The following TRPS1 variants were observed in gnomAD, a reference collection of about 807,000 sequenced individuals.
TRPS1 encodes transcriptional repressor GATA binding 1.
In TRPS1, 6 loss-of-function variants were observed where a neutral mutation model predicts 101.2. The observed-to-expected ratio is 0.06, with a 90% CI of 0.03 to 0.12. TRPS1 has a LOEUF of 0.12. Ranked by LOEUF, TRPS1 falls within the 10% of genes least tolerant of loss-of-function variation. The pLI, the probability that TRPS1 is intolerant of heterozygous loss-of-function variation, is 1.00. For missense variants in TRPS1, 1,363 were observed against 1,567.0 expected (o/e 0.87, Z 2.20); for synonymous variants, 578 against 589.8 (o/e 0.98, Z 0.29).
chr8:115,428,373 C>T (rs1359173049), intron 5 of TRPS1, among the ~76,000 whole-genome samples: 1 of 152,176 alleles, frequency 6.6e-6, no homozygotes, highest in African/African-American at 2.4e-5. Flanking sequence ...TATACTTTTG[C>T]ATTTCATCAC....
chr8:115,479,985 A>G (rs7007607), intron 5 of TRPS1, among the ~76,000 whole-genome samples: 2 of 152,248 alleles, frequency 1.3e-5, no homozygotes, highest in East Asian at 1.9e-4. Context: ...GGCGAGGCAC[A>G]TTAGAGGTGG....
At chr8:115,550,052 C>T (rs1816667697) in intron 5 of TRPS1, among the ~76,000 whole-genome samples, 1 of 152,076 alleles carries the variant, frequency 6.6e-6, no homozygotes, top group South Asian at 2.1e-4. Flanking sequence ...CCCATCTCTA[C>T]TAAAAATACA....
chr8:115,616,624 T>C (rs2223104), intron 3 of TRPS1, among the ~76,000 whole-genome samples: 13,164 of 152,102 alleles, frequency 0.087, 1,908 homozygotes, highest in African/African-American at 0.3. Flanking sequence ...AAAGGATTAA[T>C]GAATTCTTCA....
At chr8:115,651,463 T>C (rs1208417370) in intron 1 of TRPS1, among the ~76,000 whole-genome samples, 2 of 152,220 alleles carry the variant, frequency 1.3e-5, no homozygotes, top group Non-Finnish European at 2.9e-5. Flanking sequence ...CACAATTTTC[T>C]CAGTACCTGA....
chr8:115,528,328 T>C (rs1448433221), intron 5 of TRPS1, among the ~76,000 whole-genome samples: 1 of 152,054 alleles, frequency 6.6e-6, no homozygotes, highest in Non-Finnish European at 1.5e-5. Flanking sequence ...TACTGAGCAC[T>C]TAAGAGTCAC....
At chr8:115,496,505 G>T (rs1001230249) in intron 5 of TRPS1, among the ~76,000 whole-genome samples, 1 of 152,174 alleles carries the variant, frequency 6.6e-6, no homozygotes, top group Admixed American at 6.5e-5. Context: ...GAAGGCATAT[G>T]TGATGAATAT....
chr8:115,556,318 G>A (rs865811222), intron 5 of TRPS1, among the ~76,000 whole-genome samples: 7 of 152,072 alleles, frequency 4.6e-5, no homozygotes, highest in Non-Finnish European at 1.0e-4. Flanking sequence ...TTGAAATACT[G>A]TGATATTCTA....
At chr8:115,636,989 C>A (rs1162568704) in intron 1 of TRPS1, among the ~76,000 whole-genome samples, 1 of 151,804 alleles carries the variant, frequency 6.6e-6, no homozygotes, top group Non-Finnish European at 1.5e-5. Context: ...TGTTTGCTAT[C>A]TTTTATTAAT....
intron 1 of TRPS1, among the ~76,000 whole-genome samples, chr8:115,639,452 T>G (rs551069935): frequency 1.3e-5 from 2 of 152,310 alleles, no homozygotes; most frequent in Non-Finnish European, 2.9e-5. Context: ...AGATTTCCCT[T>G]GTTTTCATTT....
chr8:115,663,087 T>G (rs558868648), intron 1 of TRPS1, among the ~76,000 whole-genome samples: 1 of 152,186 alleles, frequency 6.6e-6, no homozygotes, highest in African/African-American at 2.4e-5. Flanking sequence ...ACTGTTTAAG[T>G]TACGGTAACC....
chr8:115,533,666 T>G (rs757161617), intron 5 of TRPS1, among the ~76,000 whole-genome samples: 3 of 152,046 alleles, frequency 2.0e-5, no homozygotes, highest in African/African-American at 2.4e-5. Flanking sequence ...TGTCTTAGTC[T>G]GCTTGGGCTG....
intron 1 of TRPS1, among the ~76,000 whole-genome samples, chr8:115,629,834 C>T (rs971576002): frequency 6.6e-6 from 1 of 151,868 alleles, no homozygotes; most frequent in Non-Finnish European, 1.5e-5. Context: ...TCCACTCAGT[C>T]TGTGTCCCCA....
In TRPS1 at chr8:115,415,087, G is replaced by A. The variant is rs1463371720; in HGVS notation, c.2824-3C>T. On this transcript the variant is annotated splice_region_variant and splice_polypyrimidine_tract_variant and intron_variant, in intron 6 of 6. Transcript: ENST00000395715. ...ATGATGTTTAAAGGCCTGGGAGTCT[G>A]CAGAGAACACATACAATACATAAAA... The A allele has an allele frequency of 1.5e-5, 24 of 1,594,142 alleles. No individual in the cohort carries two copies. Among genetic ancestry groups the A allele is most frequent in the East Asian group, 2.2e-5 (1 of 44,802 alleles).
At chr8:115,467,431 T>TA (rs57169049) in intron 5 of TRPS1, among the ~76,000 whole-genome samples, 3,039 of 139,864 alleles carry the variant, frequency 0.022, 90 homozygotes, top group African/African-American at 0.066. Flanking sequence ...GACCTTTTGT[T>TA]AAAAAAAAAA....
intron 5 of TRPS1, among the ~76,000 whole-genome samples, chr8:115,565,819 T>C (rs1009899315): frequency 2.6e-5 from 4 of 152,104 alleles, no homozygotes; most frequent in African/African-American, 4.8e-5. Context: ...AAATATTTAC[T>C]GCAGTAAAAA....
At chr8:115,525,807 A>G (rs1005094064) in intron 5 of TRPS1, among the ~76,000 whole-genome samples, 3 of 152,190 alleles carry the variant, frequency 2.0e-5, no homozygotes, top group African/African-American at 7.2e-5. Flanking sequence ...CCAACATCAC[A>G]AAAATTTCTA....
chr8:115,530,249 T>C (rs889102799), intron 5 of TRPS1, among the ~76,000 whole-genome samples: 6 of 152,144 alleles, frequency 3.9e-5, no homozygotes, highest in Non-Finnish European at 8.8e-5. Flanking sequence ...AGATATTCTA[T>C]AAATATCATG....
At chr8:115,552,398 T>C (rs566097170) in intron 5 of TRPS1, among the ~76,000 whole-genome samples, 3 of 152,290 alleles carry the variant, frequency 2.0e-5, no homozygotes, top group African/African-American at 7.2e-5. Context: ...TGAAAAGATA[T>C]TCTGATCTGT....
chr8:115,567,804 T>C (rs2130386363), intron 5 of TRPS1, among the ~76,000 whole-genome samples: 1 of 152,218 alleles, frequency 6.6e-6, no homozygotes, highest in East Asian at 1.9e-4. Context: ...ACTATGTTAA[T>C]ATAATTCCCT....
Sources: gnomAD v4.1 joint callset for allele counts (sites outside exome capture counted in the v4.1 genomes callset) on GRCh38, gnomAD v4.1.1 for gene constraint, MANE v1.5 for transcripts, NCBI Gene and HGNC (gene_info 2026-07-23, HGNC 2026-07-21) for gene names.